The following GINS4 variants were observed in gnomAD, a reference collection of about 807,000 sequenced individuals.
GINS4 encodes the protein DNA replication complex GINS protein SLD5.
A neutral mutation model predicts 31.1 loss-of-function variants in GINS4; 20 were observed. That is an observed-to-expected ratio of 0.64 (90% confidence interval 0.45 to 0.93). The LOEUF (loss-of-function observed/expected upper bound fraction) is 0.93, where lower values mean the gene tolerates loss of function less well. Ranked by LOEUF, GINS4 falls within the 40% of genes least tolerant of loss-of-function variation. The pLI, the probability that GINS4 is intolerant of heterozygous loss-of-function variation, is 0.00. For missense variants in GINS4, 245 were observed against 273.9 expected (o/e 0.89, Z 0.75); for synonymous variants, 85 against 97.9 (o/e 0.87, Z 0.78).
intron 2 of GINS4, among the ~76,000 whole-genome samples, chr8:41,533,256 A>T (rs180889380): frequency 1.3e-5 from 2 of 152,332 alleles, no homozygotes; most frequent in East Asian, 3.9e-4. Context: ...AAACTTGCAA[A>T]ATTATTGTTC....
intron 2 of GINS4, among the ~76,000 whole-genome samples, chr8:41,531,501 A>G (rs943996396): frequency 6.6e-6 from 1 of 152,204 alleles, no homozygotes; most frequent in African/African-American, 2.4e-5. Flanking sequence ...CTTCCCTGCC[A>G]TACATGATAT....
chr8:41,531,276 C>CA (rs1048177171), intron 2 of GINS4, among the ~76,000 whole-genome samples: 5 of 151,900 alleles, frequency 3.3e-5, no homozygotes, highest in Admixed American at 3.3e-4. Flanking sequence ...AACTCCGTCT[C>CA]AAAAAAATAA....
At chr8:41,541,638 C>T (rs562244661) in intron 6 of GINS4, among the ~76,000 whole-genome samples, 171 bp from the exon 7 acceptor site, 1 of 152,264 alleles carries the variant, frequency 6.6e-6, no homozygotes, top group Admixed American at 6.5e-5. Context: ...AGGCCCAATG[C>T]GTGTCCGGTT....
At chr8:41,535,287 G>T (rs1563254027) in intron 2 of GINS4, among the ~76,000 whole-genome samples, 2 of 152,254 alleles carry the variant, frequency 1.3e-5, no homozygotes, top group East Asian at 3.9e-4. Context: ...GCAGTGAGCT[G>T]GGATCATGCC....
intron 4 of GINS4, among the ~76,000 whole-genome samples, chr8:41,539,193 G>A (rs1806791653): frequency 6.6e-6 from 1 of 151,396 alleles, no homozygotes; most frequent in South Asian, 2.1e-4. Context: ...GGTGGTGGGT[G>A]CCTGTAATCC....
At chr8:41,536,725 T>G (rs1383984339) in intron 3 of GINS4, among the ~76,000 whole-genome samples, 1 of 152,232 alleles carries the variant, frequency 6.6e-6, no homozygotes, top group East Asian at 1.9e-4. Context: ...ATCCATGTAC[T>G]CCCTGCTCCC....
chr8:41,541,704 T>A, intron 6 of GINS4, 105 bp from the exon 7 acceptor site: 2 of 804,520 alleles, frequency 2.5e-6, no homozygotes. Context: ...TGGGCTGGGC[T>A]CCTATCTAAA....
intron 2 of GINS4, among the ~76,000 whole-genome samples, chr8:41,536,076 T>C (rs1185264467): frequency 6.6e-6 from 1 of 152,158 alleles, no homozygotes; most frequent in Non-Finnish European, 1.5e-5. Flanking sequence ...CACCAGGTGG[T>C]GTCACTCTCA....
At chr8:41,539,846 GCTGCTGC>G in intron 5 of GINS4, 63 bp from the exon 6 acceptor site, 1 of 1,570,938 alleles carries the variant, frequency 6.4e-7, no homozygotes, top group Non-Finnish European at 8.8e-7. Context: ...AGGCCTGTGC[GCTGCTGC>G]CTGCTAACCT....
chr8:41,533,864 A>G (rs1563253663), intron 2 of GINS4, among the ~76,000 whole-genome samples: 1 of 152,218 alleles, frequency 6.6e-6, no homozygotes, highest in Non-Finnish European at 1.5e-5. Context: ...GTAGGTGACC[A>G]TATTCTCCCT....
At chr8:41,538,991 G>A (rs1265953777) in intron 4 of GINS4, among the ~76,000 whole-genome samples, 1 of 151,604 alleles carries the variant, frequency 6.6e-6, no homozygotes, top group East Asian at 2.0e-4. Context: ...GAGCTACTGT[G>A]CCTGGCCCAC....
At chr8:41,541,215 A>C (rs963361547) in intron 6 of GINS4, among the ~76,000 whole-genome samples, 1 of 152,162 alleles carries the variant, frequency 6.6e-6, no homozygotes, top group Non-Finnish European at 1.5e-5. Context: ...AACTACAGGC[A>C]TGTGCCACCA....
chr8:41,533,544 C>T (rs527431807), intron 2 of GINS4, among the ~76,000 whole-genome samples: 2 of 152,354 alleles, frequency 1.3e-5, no homozygotes, highest in African/African-American at 4.8e-5. Flanking sequence ...GCCACCTGCA[C>T]GGCTGCCACA....
At chr8:41,530,869 G>C (rs1180044275) in intron 2 of GINS4, among the ~76,000 whole-genome samples, 3 of 152,118 alleles carry the variant, frequency 2.0e-5, no homozygotes, top group African/African-American at 7.2e-5. Flanking sequence ...TGATGCTCTG[G>C]TAACAGGAGT....
In GINS4 at chr8:41,543,822, C is replaced by T. The variant is rs749427337; in HGVS notation, c.*1735C>T. The T allele has an allele frequency of 1.3e-5, 2 of 152,124 alleles. No individual in the cohort carries two copies. Among genetic ancestry groups the T allele is most frequent in the African/African-American group, 4.8e-5 (2 of 41,380 alleles). 9.4% of individuals were successfully genotyped at this position (152,124 alleles called of 1,614,324 possible). A position where few individuals can be genotyped will look rare whatever the true frequency, so the allele number is the denominator to read the frequency against. Reference sequence around the variant, plus strand: ...CTGGGTTCAAGAGATTCTCCTGCCCCAGCCTCCCGAGTAGCTGGTATTATA... The same window carrying T: ...CTGGGTTCAAGAGATTCTCCTGCCCTAGCCTCCCGAGTAGCTGGTATTATA... On this transcript the variant is annotated 3_prime_UTR_variant, in exon 8 of 8. Transcript: ENST00000276533.
At chr8:41,533,199 A>G (rs1427855012) in intron 2 of GINS4, among the ~76,000 whole-genome samples, 2 of 152,268 alleles carry the variant, frequency 1.3e-5, no homozygotes, top group Admixed American at 1.3e-4. Flanking sequence ...TAGAACAATA[A>G]CAACCATAAA....
At chr8:41,536,334 T>C (rs762847361) in intron 2 of GINS4, 26 bp from the exon 3 acceptor site, 3 of 1,477,484 alleles carry the variant, frequency 2.0e-6, no homozygotes, top group Non-Finnish European at 2.8e-6. Flanking sequence ...GGGTGATGCT[T>C]GCTTTTTCTG....
intron 7 of GINS4, 37 bp from the exon 8 acceptor site, chr8:41,541,954 C>G (rs185706457): frequency 6.2e-7 from 1 of 1,608,490 alleles, no homozygotes; most frequent in African/African-American, 1.3e-5. Context: ...GAGGGCCAGC[C>G]GAGCTCTGCA....
intron 6 of GINS4, among the ~76,000 whole-genome samples, chr8:41,541,250 T>A (rs1806836362): frequency 6.6e-6 from 1 of 152,048 alleles, no homozygotes; most frequent in African/African-American, 2.4e-5. Context: ...TTTTAAAATT[T>A]TTTTGTGGAG....
Sources: gnomAD v4.1 joint callset for allele counts (sites outside exome capture counted in the v4.1 genomes callset) on GRCh38, gnomAD v4.1.1 for gene constraint, MANE v1.5 for transcripts, NCBI Gene and HGNC (gene_info 2026-07-23, HGNC 2026-07-21) for gene names.